Variants in GALNT17 observed in about 807,000 individuals in gnomAD.
GALNT17 encodes polypeptide N-acetylgalactosaminyltransferase 17.
Under a neutral mutation model 63.7 loss-of-function variants are expected in GALNT17, and 29 were observed. The ratio of observed to expected loss-of-function variants is 0.46; its 90% confidence interval spans 0.34 to 0.62. GALNT17 has a LOEUF of 0.62. Among genes scored for constraint, GALNT17 ranks in the 20% least tolerant of loss-of-function variants. The probability of loss-of-function intolerance (pLI) is 0.01; values close to 1 mark genes in which losing one functional copy is unlikely to be tolerated. For synonymous variants in GALNT17, 305 were observed against 318.3 expected (o/e 0.96, Z 0.45); for missense variants, 603 against 799.6 (o/e 0.75, Z 2.97).
chr7:71,290,477 T>C (rs1020878067), intron 1 of GALNT17, among the ~76,000 whole-genome samples: 3 of 152,060 alleles, frequency 2.0e-5, no homozygotes, highest in Non-Finnish European at 4.4e-5. Context: ...TGTAGGAACC[T>C]TGGGGAGGGA....
intron 5 of GALNT17, among the ~76,000 whole-genome samples, chr7:71,559,452 A>T (rs935545271): frequency 6.6e-6 from 1 of 152,260 alleles, no homozygotes; most frequent in East Asian, 1.9e-4. Flanking sequence ...GGTTGCCCTT[A>T]GTTCTGCACT....
Position 71,557,747 on chromosome 7 carries a change from C to T in GALNT17, c.963-13538C>T, listed in dbSNP as rs780233230. On this transcript the variant is annotated intron_variant, in intron 5 of 10. Transcript: ENST00000333538. Reference sequence around the variant, plus strand: ...TGAAAGTTGCAGTGAACCGAGATCGCGCCACTGCACTCCAGCCTGGGTGAC... The same window carrying T: ...TGAAAGTTGCAGTGAACCGAGATCGTGCCACTGCACTCCAGCCTGGGTGAC... 1.2e-4 allele frequency among the ~76,000 whole-genome samples: 18 copies of T among 152,070 alleles called. No individual in the cohort carries two copies. The South Asian group carries it at 1.7e-3, about 14-fold the overall frequency.
intron 5 of GALNT17, among the ~76,000 whole-genome samples, chr7:71,549,022 A>G (rs1355678531): frequency 6.6e-6 from 1 of 152,104 alleles, no homozygotes; most frequent in Admixed American, 6.6e-5. Flanking sequence ...TATGGATAGG[A>G]ATGCCCCTTG....
chr7:71,138,242 G>A (rs1318951910), intron 1 of GALNT17, among the ~76,000 whole-genome samples: 1 of 152,136 alleles, frequency 6.6e-6, no homozygotes, highest in Non-Finnish European at 1.5e-5. Context: ...GGAGGCTGAG[G>A]TGGGAGGATG....
intron 6 of GALNT17, among the ~76,000 whole-genome samples, chr7:71,649,152 TTGCTGCAAGG>T (rs1234141406): frequency 6.6e-6 from 1 of 152,220 alleles, no homozygotes; most frequent in Non-Finnish European, 1.5e-5. Context: ...GCTTGGTGGC[TTGCTGCAAGG>T]TGCTTCTCAA....
At chr7:71,247,879 G>A (rs1435209572) in intron 1 of GALNT17, among the ~76,000 whole-genome samples, 1 of 152,168 alleles carries the variant, frequency 6.6e-6, no homozygotes, top group Non-Finnish European at 1.5e-5. Context: ...AAAAGAAAAT[G>A]TTTTTAAGAA....
intron 1 of GALNT17, among the ~76,000 whole-genome samples, chr7:71,154,708 C>T (rs967417107): frequency 2.0e-5 from 3 of 152,110 alleles, no homozygotes; most frequent in Non-Finnish European, 4.4e-5. Context: ...TCCTGAGTAG[C>T]TGGGACTACA....
At chr7:71,417,755 T>C (rs1296370891) in intron 4 of GALNT17, among the ~76,000 whole-genome samples, 1 of 152,238 alleles carries the variant, frequency 6.6e-6, no homozygotes, top group Admixed American at 6.5e-5. Flanking sequence ...TGTCTTTTCC[T>C]TGGCATCATT....
intron 6 of GALNT17, among the ~76,000 whole-genome samples, chr7:71,594,029 T>TA (rs1184778125): frequency 6.6e-6 from 1 of 151,704 alleles, no homozygotes; most frequent in Admixed American, 6.6e-5. Flanking sequence ...ATCATTTTTT[T>TA]TTAATGTTTT....
chr7:71,505,663 AT>A, intron 5 of GALNT17, among the ~76,000 whole-genome samples: 1 of 152,194 alleles, frequency 6.6e-6, no homozygotes, highest in East Asian at 1.9e-4. Flanking sequence ...CCATTACCCC[AT>A]TATGTGCTCT....
intron 6 of GALNT17, among the ~76,000 whole-genome samples, chr7:71,652,279 T>C (rs999580289): frequency 1.3e-5 from 2 of 152,008 alleles, no homozygotes; most frequent in African/African-American, 4.8e-5. Context: ...AATTGAGATA[T>C]GTCTTGAGGT....
intron 2 of GALNT17, among the ~76,000 whole-genome samples, chr7:71,353,420 C>G (rs1438687841): frequency 6.6e-6 from 1 of 152,128 alleles, no homozygotes; most frequent in East Asian, 1.9e-4. Flanking sequence ...CACCAGTTGT[C>G]TCAATAATGT....
intron 1 of GALNT17, among the ~76,000 whole-genome samples, chr7:71,171,740 G>C (rs901496111): frequency 3.9e-5 from 6 of 152,198 alleles, no homozygotes; most frequent in African/African-American, 1.4e-4. Context: ...AAATGCAGCT[G>C]CATGTGTTGT....
intron 1 of GALNT17, among the ~76,000 whole-genome samples, chr7:71,198,014 A>C (rs1789088603): frequency 6.6e-6 from 1 of 151,970 alleles, no homozygotes; most frequent in South Asian, 2.1e-4. Context: ...CCTGGCCAAC[A>C]TGGTGAAACT....
At chr7:71,629,623 G>A (rs1379024837) in intron 6 of GALNT17, among the ~76,000 whole-genome samples, 2 of 152,014 alleles carry the variant, frequency 1.3e-5, no homozygotes, top group Admixed American at 6.6e-5. Context: ...GGGACTGTGG[G>A]CACTTGTCCC....
chr7:71,483,176 A>G (rs1250658143), intron 5 of GALNT17, among the ~76,000 whole-genome samples: 2 of 152,222 alleles, frequency 1.3e-5, no homozygotes, highest in East Asian at 1.9e-4. Context: ...TGGGTGAGTC[A>G]GTGAGTGAGT....
intron 1 of GALNT17, among the ~76,000 whole-genome samples, chr7:71,230,476 C>G (rs1036294902): frequency 6.6e-6 from 1 of 152,110 alleles, no homozygotes; most frequent in Non-Finnish European, 1.5e-5. Flanking sequence ...CTCTTCTTTT[C>G]CACGCACACC....
At chr7:71,547,390 G>A (rs1477332322) in intron 5 of GALNT17, among the ~76,000 whole-genome samples, 1 of 152,036 alleles carries the variant, frequency 6.6e-6, no homozygotes, top group Non-Finnish European at 1.5e-5. Flanking sequence ...CCTGACCTCA[G>A]TGATCTGCCT....
chr7:71,292,733 C>T (rs1264481715), intron 1 of GALNT17, among the ~76,000 whole-genome samples: 2 of 139,230 alleles, frequency 1.4e-5, no homozygotes, highest in Non-Finnish European at 3.1e-5. Flanking sequence ...TAAGATCTAT[C>T]CTCTTATTAA....
Sources: gnomAD v4.1 joint callset for allele counts (sites outside exome capture counted in the v4.1 genomes callset) on GRCh38, gnomAD v4.1.1 for gene constraint, MANE v1.5 for transcripts, NCBI Gene and HGNC (gene_info 2026-07-23, HGNC 2026-07-21) for gene names.